Variants in ATP8B3 observed in about 807,000 individuals in gnomAD.
ATP8B3 encodes phospholipid-transporting ATPase IK.
In ATP8B3, 141 loss-of-function variants were observed where a neutral mutation model predicts 140.9. The ratio of observed to expected loss-of-function variants is 1.00; its 90% CI spans 0.87 to 1.15. The LOEUF (loss-of-function observed/expected upper bound fraction) is 1.15. Ranked by LOEUF, ATP8B3 falls within the 50% of genes most tolerant of loss-of-function variation. ATP8B3 has a pLI of 0.00. For missense variants in ATP8B3, 1,874 were observed against 1,740.6 expected, an observed-to-expected ratio of 1.08 and a Z score of -1.36; for synonymous variants, 765 against 714.6, an observed-to-expected ratio of 1.07 and a Z score of -1.13.
At chr19:1,789,151 C>A (rs760146676) in intron 23 of ATP8B3, 31 bp from the exon 24 acceptor site, 3 of 1,517,122 alleles carry the variant, frequency 2.0e-6, no homozygotes, top group Non-Finnish European at 2.6e-6. Context: ...GTCAGCCCCC[C>A]GCACGCCCCC....
intron 14 of ATP8B3, among the ~76,000 whole-genome samples, chr19:1,797,468 T>TTTTTTTTA (rs1555808313): frequency 9.8e-5 from 14 of 142,460 alleles, no homozygotes; most frequent in South Asian, 4.6e-4. Context: ...TCTTTTTTAT[T>TTTTTTTTA]TTTATTTATT....
chr19:1,801,169 T>C (rs1175828481), intron 12 of ATP8B3, among the ~76,000 whole-genome samples: 1 of 151,742 alleles, frequency 6.6e-6, no homozygotes, highest in Non-Finnish European at 1.5e-5. Context: ...ATTTATTTAT[T>C]GAGACAGAGT....
At chr19:1,797,224 C>T (rs2145191115) in intron 14 of ATP8B3, among the ~76,000 whole-genome samples, 1 of 152,258 alleles carries the variant, frequency 6.6e-6, no homozygotes, top group Middle Eastern at 3.4e-3. Flanking sequence ...CACACCCATC[C>T]TGTCTCCCAG....
Position 1,806,165 on chromosome 19 carries a change from T to G in ATP8B3, c.682A>C (p.Lys228Gln), listed in dbSNP as rs750262724. 1 of 1,592,066 alleles carries G rather than the reference T, an allele frequency of 6.3e-7. No individual in the cohort carries two copies. Among genetic ancestry groups the G allele is most frequent in the Non-Finnish European group, 8.5e-7 (1 of 1,169,982 alleles). Residue 228 changes from lysine to glutamine, a missense_variant, in exon 8 of 29, where the codon AAG (lysine) becomes CAG (glutamine). Coordinates refer to ENST00000310127, the MANE Select transcript of ATP8B3 (RefSeq NM_138813.4). This position sits in a 1 kb window ranked among gnomAD's most constrained non-coding sequence, Gnocchi z 5.6. ...CACAGATCCTGCCATTTCTTCTGCT[T>G]GAAGCTGCGGGGAGAGGGGGTTGTG... Reference protein sequence around the residue: ...PCQILMGKSFKQKKWQDLCVG... With the variant: ...PCQILMGKSFQQKKWQDLCVG...
Position 1,805,399 on chromosome 19 carries a change from A to G in ATP8B3, c.879T>C (p.Thr293=). The change falls in exon 10 of 29, where the codon ACT becomes ACC. Residue 293 remains threonine (T), a synonymous_variant. Coordinates refer to ENST00000310127, the MANE Select transcript of ATP8B3 (RefSeq NM_138813.4). The surrounding 1 kb of genome is among the most constrained non-coding windows in gnomAD (Gnocchi z 5.2). The part of the protein sequence containing the change: ...ALMVTHKELA[T]IKKMASFQGT... ...CTTGAAAGGACGCCATCTTCTTTAT[A>G]GTGGCCAGTTCTTTGTGGGTGACCA... The G allele has an allele frequency of 6.4e-7, 1 of 1,569,016 alleles. No homozygotes were observed. Among genetic ancestry groups the G allele is most frequent in the Non-Finnish European group, 8.7e-7 (1 of 1,154,710 alleles).
chr19:1,791,692 G>T, intron 20 of ATP8B3, 58 bp downstream of exon 20: 5 of 1,322,804 alleles, frequency 3.8e-6, no homozygotes, highest in South Asian at 2.4e-5. Context: ...CAAACTTCAG[G>T]GAAGTTTGAA....
At chr19:1,810,338 A>G (rs1296576079) in intron 3 of ATP8B3, among the ~76,000 whole-genome samples, 1 of 152,010 alleles carries the variant, frequency 6.6e-6, no homozygotes, top group Non-Finnish European at 1.5e-5. Context: ...GCTCACTGCA[A>G]CCTCCACCTC....
rs767158164 is a variant in ATP8B3 at position 1,799,971 on chromosome 19, A to G, written c.1528T>C (p.Cys510Arg). The change falls in exon 14 of 29, where the codon TGC becomes CGC. Residue 510 changes from cysteine (C) to arginine (R), a missense_variant. This residue lies in a region of ATP8B3 where 1,032 missense variants were observed against 963.6 expected (regional missense o/e 1.07). Coordinates refer to ENST00000310127, the MANE Select transcript of ATP8B3 (RefSeq NM_138813.4). ...LTQNILTFNK[C>R]CISGRVYGPD... ...CCATAGACGCGGCCGCTGATGCAGC[A>G]CTTGTTGAAGGTCAAGATGTTCTGC... 2 of 1,603,988 alleles carry G rather than the reference A, an allele frequency of 1.2e-6. No homozygotes were observed. Among genetic ancestry groups the G allele is most frequent in the South Asian group, 1.1e-5 (1 of 89,140 alleles).
chr19:1,798,185 G>A (rs2068738100), intron 14 of ATP8B3, among the ~76,000 whole-genome samples: 1 of 151,880 alleles, frequency 6.6e-6, no homozygotes, highest in Non-Finnish European at 1.5e-5. Context: ...TGGCCAGGCT[G>A]CTCTCGAACT....
intron 2 of ATP8B3, 144 bp downstream of exon 2, chr19:1,811,345 G>A (rs2069181647): frequency 2.5e-6 from 3 of 1,186,560 alleles, no homozygotes; most frequent in South Asian, 3.3e-5. Context: ...CCTGCACCGG[G>A]GGCCCTGGTT....
At position 1,794,943 on chromosome 19, in the gene ATP8B3, T is replaced by C. The variant is rs990518537; in HGVS notation, c.2055+932A>G. ...CAGCTGGGCCAGCTCAACCGCACGG[T>C]CGTCTTGTGCAAATGAGAAAAATAC... On this transcript the variant is annotated intron_variant, in intron 18 of 28. Transcript: ENST00000310127. The surrounding 1 kb of genome is among the most constrained non-coding windows in gnomAD (Gnocchi z 4.8). 6.6e-6 allele frequency among the ~76,000 whole-genome samples: 1 copy of C among 152,128 alleles called. No homozygotes were observed. The highest frequency in any genetic ancestry group is 6.5e-5 in the Admixed American group (1 of 15,274).
In ATP8B3 at chr19:1,805,943, G is replaced by C. The variant is rs1447680819; in HGVS notation, c.766C>G (p.Leu256Val). ...AGGCTGCTGGGCTCCGTGCTGGCCA[G>C]CAAGAGCATGTCGGCCTGGTGTGGA... ...DNIVPADMLL[L>V]ASTEPSSLCY... The change falls in exon 9 of 29, where the codon CTG (leucine) becomes GTG (valine). Residue 256 changes from leucine to valine, a missense_variant. By Grantham distance (32) the Leu-to-Val change is conservative. Around this residue, in one of 3 missense-constraint regions of ATP8B3, gnomAD observed 1,032 missense variants for 963.6 expected, o/e 1.07. Transcript: ENST00000310127. This position sits in a 1 kb window ranked among gnomAD's most constrained non-coding sequence, Gnocchi z 5.2. The C allele has an allele frequency of 6.2e-7, 1 of 1,612,806 alleles. No homozygotes were observed. The highest frequency in any genetic ancestry group is 8.5e-7 in the Non-Finnish European group (1 of 1,179,850).
intron 25 of ATP8B3, among the ~76,000 whole-genome samples, 177 bp from the exon 26 acceptor site, chr19:1,785,885 C>T (rs965618519): frequency 7.2e-5 from 11 of 152,100 alleles, no homozygotes; most frequent in Non-Finnish European, 1.5e-5. Flanking sequence ...AATCTCAGCA[C>T]TTTAGGAGGT....
chr19:1,799,801 G>T, intron 14 of ATP8B3, 146 bp downstream of exon 14: 1 of 855,274 alleles, frequency 1.2e-6, no homozygotes, highest in Non-Finnish European at 1.8e-6. Flanking sequence ...CCCTCCAAAG[G>T]AAACCAGGCC....
Position 1,782,608 on chromosome 19 carries a change from C to T in ATP8B3, c.*420G>A, listed in dbSNP as rs553279200. ...GCTTCAAAAATGCTGACTTCTCCTC[C>T]GAGGAGTCTGGCTGGCTCTCCAACG... On this transcript the variant is annotated 3_prime_UTR_variant, in exon 29 of 29. Transcript: ENST00000310127. 30 of 244,546 alleles carry T rather than the reference C, an allele frequency of 1.2e-4. No individual in the cohort carries two copies. Among genetic ancestry groups the T allele is most frequent in the Non-Finnish European group, 1.9e-4 (24 of 126,456 alleles). The allele number at this position is 244,546 out of a possible 1,614,324, so 15.1% of individuals were successfully genotyped here. A position where few individuals can be genotyped will look rare whatever the true frequency, so the allele number is the denominator to read the frequency against.
At chr19:1,787,079 A>G (rs781731849) in intron 25 of ATP8B3, 24 bp downstream of exon 25, 9 of 1,558,930 alleles carry the variant, frequency 5.8e-6, no homozygotes, top group Non-Finnish European at 7.9e-6. Context: ...ACCTGGAAGG[A>G]AGACCCGGCC....
At chr19:1,787,069 A>C (rs766503401) in intron 25 of ATP8B3, 34 bp downstream of exon 25, 8 of 1,528,852 alleles carry the variant, frequency 5.2e-6, no homozygotes, top group Non-Finnish European at 3.6e-6. Context: ...CTAAGCAGAG[A>C]CCTGGAAGGA....
In ATP8B3 at chr19:1,796,968, G is replaced by A. The variant is rs554419046; in HGVS notation, c.1584+6C>T. On this transcript the variant is annotated splice_donor_region_variant and intron_variant, in intron 15 of 28. Coordinates refer to ENST00000310127, the MANE Select transcript of ATP8B3 (RefSeq NM_138813.4). ...CCGTCCCGCGCTGCAAGCCAGGCAGGCTCACCTTAGGTCGGGTCGTGGCCT... is the reference window on the plus strand; with the variant it reads ...CCGTCCCGCGCTGCAAGCCAGGCAGACTCACCTTAGGTCGGGTCGTGGCCT... 7 of 1,612,966 alleles carry A rather than the reference G, an allele frequency of 4.3e-6. No individual in the cohort carries two copies. The African/African-American group carries it at 9.3e-5, about 21-fold the overall frequency.
At position 1,810,630 on chromosome 19, in the gene ATP8B3, C is replaced by G. The variant is rs1455294249; in HGVS notation, c.302G>C (p.Arg101Thr). The G allele has an allele frequency of 4.3e-6, 7 of 1,613,008 alleles. No homozygotes were observed. Among genetic ancestry groups the G allele is most frequent in the African/African-American group, 4.0e-5 (3 of 74,910 alleles). Residue 101 changes from arginine to threonine, a missense_variant, in exon 3 of 29, where the codon AGG (arginine) becomes ACG (threonine). Physicochemically the swap from Arg to Thr is moderately conservative, Grantham distance 71. Around this residue, in one of 3 missense-constraint regions of ATP8B3, gnomAD observed 1,032 missense variants for 963.6 expected, o/e 1.07. Coordinates refer to ENST00000310127, the MANE Select transcript of ATP8B3 (RefSeq NM_138813.4). ...CTGCCCAGGATCAGCACCTGAGTTC[C>G]TGTCCTCATCTTGGAGATCTTCTCT... is the stretch of plus-strand genomic sequence containing the variant. ...GQREDLQDED[R>T]NSAFTWKVQA...
Sources: allele counts gnomAD v4.1 joint callset (sites outside exome capture counted in the v4.1 genomes callset), GRCh38; gene constraint gnomAD v4.1.1; regional missense constraint gnomAD v4.1.1; non-coding constraint Gnocchi (gnomAD v3.1); transcripts MANE v1.5; gene names NCBI Gene and HGNC (gene_info 2026-07-23, HGNC 2026-07-21).